The following MAP3K14 variants were observed in gnomAD, a reference collection of about 807,000 sequenced individuals.
The protein encoded by MAP3K14 is NF-kappa-beta-inducing kinase.
MAP3K14 carries 16 observed loss-of-function variants against 99.2 expected under a neutral mutation model. The observed-to-expected ratio is 0.16, with a 90% CI of 0.11 to 0.24. The LOEUF (loss-of-function observed/expected upper bound fraction) is 0.24, where lower values mean the gene tolerates loss of function less well. Ranked by LOEUF, MAP3K14 falls within the 10% of genes least tolerant of loss-of-function variation. MAP3K14 has a pLI of 1.00. For missense variants in MAP3K14, 784 were observed against 1,208.7 expected, an observed-to-expected ratio of 0.65 and a Z score of 5.21; for synonymous variants, 462 against 492.4, an observed-to-expected ratio of 0.94 and a Z score of 0.82.
chr17:45,316,711 G>A (rs932931463), intron 1 of MAP3K14, among the ~76,000 whole-genome samples: 10 of 151,934 alleles, frequency 6.6e-5, no homozygotes, highest in Non-Finnish European at 2.9e-5. Context: ...GCCAGCGTGT[G>A]GCCAGCAGGA....
At position 45,282,929 on chromosome 17, in the gene MAP3K14, C is replaced by T. The variant is rs542698781; in HGVS notation, c.1290+1883G>A. 3.3e-5 allele frequency among the ~76,000 whole-genome samples: 5 copies of T among 152,364 alleles called. No homozygotes were observed. In the East Asian group the frequency reaches 7.7e-4, roughly 23 times the overall value. On this transcript the variant is annotated intron_variant, in intron 6 of 15. Coordinates refer to ENST00000344686, the MANE Select transcript of MAP3K14 (RefSeq NM_003954.5). ...TGTGCAGGCTGCCAAAGAGCCATCC[C>T]CACTGCATTCTCCGGGGTGGGAAGG...
At position 45,272,727 on chromosome 17, in the gene MAP3K14, G is replaced by A. The variant is rs527275110; in HGVS notation, c.1657+776C>T. On this transcript the variant is annotated intron_variant, in intron 9 of 15. Coordinates refer to ENST00000344686, the MANE Select transcript of MAP3K14 (RefSeq NM_003954.5). The surrounding 1 kb of genome is among the most constrained non-coding windows in gnomAD (Gnocchi z 4.1). ...GGCTGAGTGGGGCGGATCACCTAAG[G>A]TCTGGAGTTTGAGACTGGCCTGGCC... 6.6e-6 allele frequency among the ~76,000 whole-genome samples: 1 copy of A among 152,162 alleles called. No individual in the cohort carries two copies. Among genetic ancestry groups the A allele is most frequent in the Non-Finnish European group, 1.5e-5 (1 of 68,038 alleles).
chr17:45,287,783 G>A (rs1232584334), intron 3 of MAP3K14, among the ~76,000 whole-genome samples: 2 of 152,154 alleles, frequency 1.3e-5, no homozygotes, highest in African/African-American at 4.8e-5. Context: ...AGGGGGCCAC[G>A]CTCATGGCAG....
Position 45,264,663 on chromosome 17 carries a change from C to G in MAP3K14, c.2817G>C (p.Lys939Asn), listed in dbSNP as rs1405416053. Reference sequence around the variant, plus strand: ...AGGGCCTGTTCTCCAGCTGGCCATGCTTGACCCTCCAGCTCCAGGCGAAGC... The same window carrying G: ...AGGGCCTGTTCTCCAGCTGGCCATGGTTGACCCTCCAGCTCCAGGCGAAGC... ...DGSFAWSWRV[K>N]HGQLENRP The change falls in exon 16 of 16, where the codon AAG (lysine) becomes AAC (asparagine). Residue 939 changes from lysine (K) to asparagine (N), a missense_variant. Lys to Asn is a moderately conservative substitution (Grantham distance 94). Coordinates refer to ENST00000344686, the MANE Select transcript of MAP3K14 (RefSeq NM_003954.5). 1.3e-6 allele frequency: 2 copies of G among 1,591,856 alleles called. No homozygotes were observed. The highest frequency in any genetic ancestry group is 1.7e-6 in the Non-Finnish European group (2 of 1,169,782).
In MAP3K14 at chr17:45,276,823, CTTTTTTTTTTTT is replaced by C. The variant is rs35012373; in HGVS notation, c.1291-2242_1291-2231del. Among the ~76,000 whole-genome samples, 11 of 62,278 alleles carry C rather than the reference CTTTTTTTTTTTT, an allele frequency of 1.8e-4. 1 individual carries two copies. In the South Asian group the frequency reaches 7.2e-3, roughly 41 times the overall value. The allele number at this position is 62,278 out of a possible 152,430, so 40.9% of individuals were successfully genotyped here. A position where few individuals can be genotyped will look rare whatever the true frequency, so the allele number is the denominator to read the frequency against. The stretch of plus-strand genomic sequence containing the variant: ...CCACTGTGCCCGGCCTCTTAGACTT[CTTTTTTTTTTTT>C]TTTTTTTTTTTGAGACAGAGTCTCG... On this transcript the variant is annotated intron_variant, in intron 6 of 15. Transcript: ENST00000344686.
At chr17:45,311,970 C>A (rs938005383) in intron 1 of MAP3K14, among the ~76,000 whole-genome samples, 1 of 152,170 alleles carries the variant, frequency 6.6e-6, no homozygotes, top group Non-Finnish European at 1.5e-5. Context: ...CACGATCCCC[C>A]CTCCGCTGTC....
At chr17:45,265,801 C>T (rs1388790077) in intron 14 of MAP3K14, among the ~76,000 whole-genome samples, 1 of 152,212 alleles carries the variant, frequency 6.6e-6, no homozygotes, top group Admixed American at 6.5e-5. Flanking sequence ...ATTATATACA[C>T]CTGCTAGTTC....
chr17:45,306,248 C>CG (rs1479198890), intron 1 of MAP3K14, among the ~76,000 whole-genome samples: 1 of 152,068 alleles, frequency 6.6e-6, no homozygotes, highest in Non-Finnish European at 1.5e-5. Flanking sequence ...GAAGTGGCAG[C>CG]GGCAGGATTT....
rs770541789 is a variant in MAP3K14 at position 45,286,417 on chromosome 17, G to A, written c.1152+14C>T. On this transcript the variant is annotated intron_variant, in intron 5 of 15. Coordinates refer to ENST00000344686, the MANE Select transcript of MAP3K14 (RefSeq NM_003954.5). This position sits in a 1 kb window ranked among gnomAD's most constrained non-coding sequence, Gnocchi z 4.1. ...TGGTAGAGGGACATATACAGGTGCC[G>A]GGGGATTAGTTACCTCAGTGAGCAG... The A allele has an allele frequency of 1.8e-5, 29 of 1,572,290 alleles. No homozygotes were observed. The highest frequency in any genetic ancestry group is 4.1e-5 in the African/African-American group (3 of 73,778).
chr17:45,275,039 T>C (rs1479395762), intron 6 of MAP3K14, among the ~76,000 whole-genome samples: 1 of 151,536 alleles, frequency 6.6e-6, no homozygotes, highest in African/African-American at 2.4e-5. Flanking sequence ...CTCGGGAGGC[T>C]GAGGCAGGAG....
chr17:45,303,606 TAAACA>T (rs764165630), intron 1 of MAP3K14, among the ~76,000 whole-genome samples: 3 of 152,150 alleles, frequency 2.0e-5, no homozygotes, highest in Non-Finnish European at 4.4e-5. Flanking sequence ...TGTAAAAATG[TAAACA>T]AAACAAAATT....
intron 1 of MAP3K14, among the ~76,000 whole-genome samples, chr17:45,299,953 G>C (rs2044373431): frequency 6.6e-6 from 1 of 152,072 alleles, no homozygotes; most frequent in African/African-American, 2.4e-5. Context: ...AGCCAGGCAT[G>C]GTGGCGCGTG....
At chr17:45,265,117 T>C (rs377023654) in intron 15 of MAP3K14, 46 bp downstream of exon 15, 35 of 1,469,800 alleles carry the variant, frequency 2.4e-5, no homozygotes, top group South Asian at 6.8e-5. Flanking sequence ...GCCAGCTGCA[T>C]TGGCTTCTGG....
intron 6 of MAP3K14, among the ~76,000 whole-genome samples, chr17:45,277,600 C>A (rs568077968): frequency 4.6e-5 from 7 of 152,270 alleles, no homozygotes; most frequent in South Asian, 2.1e-4. Context: ...GGAACTAATT[C>A]AACAACAGGA....
At chr17:45,308,726 G>T (rs577498833) in intron 1 of MAP3K14, among the ~76,000 whole-genome samples, 26 of 151,162 alleles carry the variant, frequency 1.7e-4, no homozygotes, top group African/African-American at 6.3e-4. Flanking sequence ...GGGGTGCAGT[G>T]GTGCGATCAT....
intron 6 of MAP3K14, among the ~76,000 whole-genome samples, chr17:45,279,889 C>T (rs569296789): frequency 1.3e-5 from 2 of 152,350 alleles, no homozygotes; most frequent in Admixed American, 6.5e-5. Context: ...CTTATTTTCT[C>T]ACCTCTATCG....
At chr17:45,302,628 G>A (rs532919406) in intron 1 of MAP3K14, among the ~76,000 whole-genome samples, 2 of 152,232 alleles carry the variant, frequency 1.3e-5, no homozygotes, top group South Asian at 4.1e-4. Context: ...TTTTAATCAT[G>A]AAAACAACTA....
intron 1 of MAP3K14, among the ~76,000 whole-genome samples, chr17:45,302,633 C>A (rs891823873): frequency 6.6e-6 from 1 of 152,098 alleles, no homozygotes; most frequent in African/African-American, 2.4e-5. Flanking sequence ...ATCATGAAAA[C>A]AACTAAAAAA....
intron 1 of MAP3K14, among the ~76,000 whole-genome samples, chr17:45,309,523 C>T (rs2044455843): frequency 6.6e-6 from 1 of 152,222 alleles, no homozygotes; most frequent in Non-Finnish European, 1.5e-5. Context: ...AGACATGGCC[C>T]ATTTGACACA....
Sources: allele counts gnomAD v4.1 joint callset (sites outside exome capture counted in the v4.1 genomes callset), GRCh38; gene constraint gnomAD v4.1.1; non-coding constraint Gnocchi (gnomAD v3.1); transcripts MANE v1.5; gene names NCBI Gene and HGNC (gene_info 2026-07-23, HGNC 2026-07-21).